Variants in ISM1 observed in about 807,000 individuals in gnomAD.
ISM1 encodes isthmin 1, also known as isthmin-1.
Under a neutral mutation model 46.3 loss-of-function variants are expected in ISM1, and 25 were observed. The ratio of observed to expected loss-of-function variants is 0.54; its 90% CI spans 0.39 to 0.75. The LOEUF (loss-of-function observed/expected upper bound fraction) is 0.75, where lower values mean the gene tolerates loss of function less well. ISM1 is among the 30% of genes least tolerant of loss of function. The pLI, the probability that ISM1 is intolerant of heterozygous loss-of-function variation, is 0.00. For synonymous variants in ISM1, 255 were observed against 256.7 expected (o/e 0.99, Z 0.06); for missense variants, 536 against 625.4 (o/e 0.86, Z 1.52).
chr20:13,269,474 G>C (rs549386171), intron 1 of ISM1, among the ~76,000 whole-genome samples: 3 of 152,254 alleles, frequency 2.0e-5, no homozygotes, highest in African/African-American at 7.2e-5. Context: ...GGCTATTCCT[G>C]TCTCTTCATC....
At chr20:13,291,050 C>T (rs1447880924) in intron 4 of ISM1, among the ~76,000 whole-genome samples, 2 of 152,222 alleles carry the variant, frequency 1.3e-5, no homozygotes, top group Non-Finnish European at 2.9e-5. Context: ...TGGGGGCTTT[C>T]CTGTTGTTTT....
intron 1 of ISM1, among the ~76,000 whole-genome samples, chr20:13,223,518 C>T (rs2039477206): frequency 6.6e-6 from 1 of 152,194 alleles, no homozygotes; most frequent in Non-Finnish European, 1.5e-5. Flanking sequence ...CTCTTGATTA[C>T]ACCAAATTTT....
rs115862077 is a variant in ISM1, at chr20:13,280,399, C to G, written c.643+501C>G. ...CTCAGGTCTTCAAAGTAACCCCCCCCCCCCAATACATTTCAAAACTCCAAG... is the reference window on the plus strand; with the variant it reads ...CTCAGGTCTTCAAAGTAACCCCCCCGCCCCAATACATTTCAAAACTCCAAG... On this transcript the variant is annotated intron_variant, in intron 3 of 5. Coordinates refer to ENST00000262487, the MANE Select transcript of ISM1 (RefSeq NM_080826.2). Among the ~76,000 whole-genome samples the G allele has an allele frequency of 8.5e-3, 1,252 of 147,652 alleles. 22 individuals are homozygous for G. Among genetic ancestry groups the G allele is most frequent in the African/African-American group, 0.029 (1,187 of 40,680 alleles).
Position 13,279,966 on chromosome 20 carries a change from A to G in ISM1, c.643+68A>G, listed in dbSNP as rs1198306126. 2.7e-6 allele frequency: 4 copies of G among 1,460,282 alleles called. No individual in the cohort carries two copies. The African/African-American group carries it at 5.6e-5, about 20-fold the overall frequency. 90.5% of individuals were successfully genotyped at this position (1,460,282 alleles called of 1,614,324 possible). ...AACGAGGATGATGCCTTGGACATGG[A>G]GCCAAGCAAAACCCTGCTTAGAGCA... On this transcript the variant is annotated intron_variant, in intron 3 of 5. Coordinates refer to ENST00000262487, the MANE Select transcript of ISM1 (RefSeq NM_080826.2).
chr20:13,257,007 T>A (rs540510166), intron 1 of ISM1, among the ~76,000 whole-genome samples: 1 of 151,870 alleles, frequency 6.6e-6, no homozygotes, highest in South Asian at 2.1e-4. Context: ...TGAAAGTGAG[T>A]GCTAGAAAAG....
chr20:13,308,362 C>T, the ISM1 span, among the ~76,000 whole-genome samples: 2 of 152,122 alleles, frequency 1.3e-5, no homozygotes, highest in Non-Finnish European at 2.9e-5. Flanking sequence ...AGAATTTATA[C>T]ATTATTATTT....
intron 1 of ISM1, among the ~76,000 whole-genome samples, chr20:13,264,865 T>A (rs771570142): frequency 2.6e-5 from 4 of 152,130 alleles, no homozygotes; most frequent in Non-Finnish European, 5.9e-5. Flanking sequence ...CCCAAGGGCA[T>A]CCAGGGCCAG....
chr20:13,289,663 AGGAGGAGGAGGG>A (rs60887935), intron 4 of ISM1, among the ~76,000 whole-genome samples: 30,912 of 151,676 alleles, frequency 0.2, 3,321 homozygotes, highest in South Asian at 0.27. Context: ...GAAGAGAAGG[AGGAGGAGGAGGG>A]GGAGGAGGAG....
the ISM1 span, among the ~76,000 whole-genome samples, chr20:13,318,676 G>A: frequency 6.6e-6 from 1 of 152,176 alleles, no homozygotes; most frequent in Non-Finnish European, 1.5e-5. Flanking sequence ...AATAAGTGCT[G>A]GCTATCCAGT....
chr20:13,239,727 ATGT>A (rs777022990), intron 1 of ISM1: 3 of 152,196 alleles, frequency 2.0e-5, no homozygotes, highest in Non-Finnish European at 4.4e-5. Context: ...AAATTCTAGA[ATGT>A]TGTTGTAGGC....
At chr20:13,276,866 T>C (rs964552237) in intron 2 of ISM1, among the ~76,000 whole-genome samples, 4 of 152,216 alleles carry the variant, frequency 2.6e-5, no homozygotes, top group African/African-American at 9.6e-5. Flanking sequence ...CTATGAAACC[T>C]CAGGCTCAAG....
chr20:13,266,425 C>T (rs1028122210), intron 1 of ISM1, among the ~76,000 whole-genome samples: 2 of 152,036 alleles, frequency 1.3e-5, no homozygotes, highest in Non-Finnish European at 2.9e-5. Flanking sequence ...GTGCATAAGC[C>T]GTTTAATAGC....
chr20:13,325,108 A>T, the ISM1 span, among the ~76,000 whole-genome samples: 1 of 152,192 alleles, frequency 6.6e-6, no homozygotes, highest in African/African-American at 2.4e-5. Context: ...AGGAACAGAG[A>T]GCCACTCGAC....
At chr20:13,281,138 T>A (rs2040234809) in intron 3 of ISM1, among the ~76,000 whole-genome samples, 1 of 152,158 alleles carries the variant, frequency 6.6e-6, no homozygotes, top group Non-Finnish European at 1.5e-5. Context: ...TCAACCAACA[T>A]TTATTAAGAG....
chr20:13,306,047 C>T, the ISM1 span, among the ~76,000 whole-genome samples: 1 of 151,572 alleles, frequency 6.6e-6, no homozygotes, highest in Non-Finnish European at 1.5e-5. Flanking sequence ...AATAAATGTG[C>T]CCTTATAGAT....
rs538629850 is a variant in ISM1 at position 13,279,727 on chromosome 20, T to G, written c.472T>G (p.Trp158Gly). The G allele has an allele frequency of 1.3e-5, 21 of 1,613,952 alleles. No homozygotes were observed. In the South Asian group the frequency reaches 2.3e-4, roughly 18 times the overall value. Residue 158 changes from tryptophan to glycine, a missense_variant, in exon 3 of 6, where the codon TGG becomes GGG. By Grantham distance (184) the Trp-to-Gly change is radical. Transcript: ENST00000262487. ...CAGCTGGTCAGTCCCATCCCCCGAC[T>G]GGCGGGCCTGGTGGCAGAGGTCCCT... ...KPSWSVPSPD[W>G]RAWWQRSLSL... is the part of the protein sequence containing the mutation.
At chr20:13,256,382 T>TGA (rs558334098) in intron 1 of ISM1, among the ~76,000 whole-genome samples, 188 of 121,284 alleles carry the variant, frequency 1.6e-3, no homozygotes, top group African/African-American at 6.0e-3. Flanking sequence ...GGCAACAGAG[T>TGA]GAGACCCCGT....
intron 3 of ISM1, among the ~76,000 whole-genome samples, chr20:13,284,080 C>T (rs2040266208): frequency 6.6e-6 from 1 of 152,158 alleles, no homozygotes; most frequent in Non-Finnish European, 1.5e-5. Context: ...TCTCCCTGCC[C>T]ATAAAAAGAG....
At chr20:13,301,116 C>A (rs1255535820), downstream of ISM1, among the ~76,000 whole-genome samples, 1 of 152,162 alleles carries the variant, frequency 6.6e-6, no homozygotes, top group African/African-American at 2.4e-5. Flanking sequence ...ATTCCCGGTA[C>A]CTTTGGCATT....
Sources: allele counts gnomAD v4.1 joint callset (sites outside exome capture counted in the v4.1 genomes callset), GRCh38; gene constraint gnomAD v4.1.1; transcripts MANE v1.5; gene names NCBI Gene and HGNC (gene_info 2026-07-23, HGNC 2026-07-21).